Variants in CCDC148 observed in about 807,000 individuals in gnomAD.
CCDC148 encodes the protein coiled-coil domain-containing protein 148.
CCDC148 carries 89 observed loss-of-function variants against 85.7 expected under a neutral mutation model. The observed-to-expected ratio is 1.04, with a 90% CI of 0.87 to 1.24. CCDC148 has a LOEUF of 1.24. Among genes scored for constraint, CCDC148 ranks in the 50% most tolerant of loss-of-function variants. The pLI, the probability that CCDC148 is intolerant of heterozygous loss-of-function variation, is 0.00. For synonymous variants in CCDC148, 230 were observed against 213.9 expected (o/e 1.08, Z -0.66); for missense variants, 692 against 671.7 (o/e 1.03, Z -0.33).
intron 13 of CCDC148, among the ~76,000 whole-genome samples, chr2:158,172,460 C>T (rs1483886076): frequency 6.6e-6 from 1 of 151,806 alleles, no homozygotes; most frequent in Non-Finnish European, 1.5e-5. Context: ...AGTGGTTTCC[C>T]ATGTAGGGTA....
chr2:158,258,935 G>A (rs553765266), intron 9 of CCDC148, among the ~76,000 whole-genome samples: 40 of 151,744 alleles, frequency 2.6e-4, no homozygotes, highest in African/African-American at 6.8e-4. Flanking sequence ...TAGACTACAC[G>A]GCTCCCAGTA....
Position 158,172,226 on chromosome 2 carries a change from C to A in CCDC148, c.1663G>T (p.Ala555Ser). Residue 555 changes from alanine (A) to serine (S), a missense_variant, in exon 14 of 14, where the codon GCA becomes TCA. Coordinates refer to ENST00000283233, the MANE Select transcript of CCDC148 (RefSeq NM_138803.4). The stretch of plus-strand genomic sequence containing the variant: ...CTATGAAGTCCAGCTTCTCGAAGTG[C>A]TAACTCGAAGCGAAGTCTAGGGTCA... Reference protein sequence around the residue: ...ISDPRLRFELALREAGLHRTL... With the variant: ...ISDPRLRFELSLREAGLHRTL... The A allele has an allele frequency of 6.2e-7, 1 of 1,607,556 alleles. No homozygotes were observed. The highest frequency in any genetic ancestry group is 8.5e-7 in the Non-Finnish European group (1 of 1,176,934).
rs140000238 is a variant in CCDC148, at chr2:158,225,033, A to G, written c.1252-4320T>C. On this transcript the variant is annotated intron_variant, in intron 10 of 13. Transcript: ENST00000283233. Reference sequence around the variant, plus strand: ...CAAATTGGATAAAGAGTGAAGACCCATCAGTGTGCTGTATTCACGAAACCC... The same window carrying G: ...CAAATTGGATAAAGAGTGAAGACCCGTCAGTGTGCTGTATTCACGAAACCC... 9.5e-3 allele frequency among the ~76,000 whole-genome samples: 1,441 copies of G among 152,354 alleles called. 24 individuals are homozygous for G. Among genetic ancestry groups the G allele is most frequent in the African/African-American group, 0.033 (1,383 of 41,586 alleles).
chr2:158,195,532 T>C (rs938963018), intron 11 of CCDC148, among the ~76,000 whole-genome samples: 3 of 152,176 alleles, frequency 2.0e-5, no homozygotes, highest in African/African-American at 7.2e-5. Context: ...CTCTGTGGAA[T>C]TATTAAGGCT....
intron 1 of CCDC148, among the ~76,000 whole-genome samples, chr2:158,363,558 A>G (rs1014956765): frequency 3.3e-5 from 5 of 152,248 alleles, no homozygotes; most frequent in Admixed American, 1.3e-4. Context: ...AACCAAGGAC[A>G]TAAACCATAT....
chr2:158,263,821 C>T (rs1689340552), intron 9 of CCDC148, among the ~76,000 whole-genome samples: 1 of 151,814 alleles, frequency 6.6e-6, no homozygotes, highest in Non-Finnish European at 1.5e-5. Context: ...TATCAAAAAT[C>T]CTTTCCTGTA....
In CCDC148 at chr2:158,270,804, A is replaced by C. The variant is rs58752562; in HGVS notation, c.1111-19892T>G. 4.4e-3 allele frequency among the ~76,000 whole-genome samples: 675 copies of C among 152,228 alleles called. 4 individuals are homozygous for C. Among genetic ancestry groups the C allele is most frequent in the African/African-American group, 0.015 (626 of 41,536 alleles). Reference sequence around the variant, plus strand: ...TCCACAGGCACTGTTACCAGGGGGGAGTACTTTTCCAATTATAGAAAGCAC... The same window carrying C: ...TCCACAGGCACTGTTACCAGGGGGGCGTACTTTTCCAATTATAGAAAGCAC... On this transcript the variant is annotated intron_variant, in intron 9 of 13. Transcript: ENST00000283233.
In CCDC148 at chr2:158,233,885, A is replaced by T. The variant is rs1479433314; in HGVS notation, c.1252-13172T>A. On this transcript the variant is annotated intron_variant, in intron 10 of 13. Transcript: ENST00000283233. The stretch of plus-strand genomic sequence containing the variant: ...GACTGGCTTAAGTTTCTGAATAAAA[A>T]ATTGGCTTCAGGTTGGGTGCAGTGG... Among the ~76,000 whole-genome samples, 4 of 152,196 alleles carry T rather than the reference A, an allele frequency of 2.6e-5. No individual in the cohort carries two copies. In the East Asian group the frequency reaches 7.7e-4, roughly 29 times the overall value.
intron 10 of CCDC148, among the ~76,000 whole-genome samples, chr2:158,249,256 T>C (rs1318453484): frequency 6.6e-6 from 1 of 152,202 alleles, no homozygotes; most frequent in Non-Finnish European, 1.5e-5. Flanking sequence ...AATATAATAC[T>C]TTTTGTGGTC....
At chr2:158,388,657 G>C (rs1456950325) in intron 1 of CCDC148, among the ~76,000 whole-genome samples, 1 of 151,998 alleles carries the variant, frequency 6.6e-6, no homozygotes, top group South Asian at 2.1e-4. Context: ...ACAATGCTCG[G>C]ATAATTTTTG....
At chr2:158,341,714 A>T (rs1682704510) in intron 3 of CCDC148, among the ~76,000 whole-genome samples, 1 of 152,120 alleles carries the variant, frequency 6.6e-6, no homozygotes, top group African/African-American at 2.4e-5. Context: ...CTTATGGCAG[A>T]TTCGATTAAA....
intron 9 of CCDC148, among the ~76,000 whole-genome samples, chr2:158,252,743 T>C (rs1688845653): frequency 6.6e-6 from 1 of 151,758 alleles, no homozygotes; most frequent in Admixed American, 6.6e-5. Flanking sequence ...CCTCTCTATC[T>C]ATGTTCATTA....
chr2:158,366,963 G>C (rs780543076), intron 1 of CCDC148, among the ~76,000 whole-genome samples: 1 of 152,164 alleles, frequency 6.6e-6, no homozygotes. Context: ...TAAGGTCCAT[G>C]ACTTTTGGAA....
chr2:158,218,298 G>T (rs1686997008), intron 11 of CCDC148, among the ~76,000 whole-genome samples: 1 of 152,180 alleles, frequency 6.6e-6, no homozygotes, highest in African/African-American at 2.4e-5. Context: ...GCCTGTAGAG[G>T]TGAAATGACA....
chr2:158,409,053 G>A (rs1686145182), intron 1 of CCDC148, among the ~76,000 whole-genome samples: 1 of 151,864 alleles, frequency 6.6e-6, no homozygotes, highest in Non-Finnish European at 1.5e-5. Context: ...TGAGTTGTTT[G>A]AATTTTATAT....
rs563773024 is a variant in CCDC148 at position 158,323,507 on chromosome 2, T to C, written c.765-9613A>G. Among the ~76,000 whole-genome samples the C allele has an allele frequency of 1.1e-3, 173 of 152,350 alleles. 2 individuals carry two copies. Among genetic ancestry groups the C allele is most frequent in the Non-Finnish European group, 2.2e-3 (151 of 68,028 alleles). On this transcript the variant is annotated intron_variant, in intron 7 of 13. Transcript: ENST00000283233. ...ACATGTATAGCTTTTATCATATTTC[T>C]ATGAAATGGCAACCTGTTTTACCAG...
intron 9 of CCDC148, among the ~76,000 whole-genome samples, chr2:158,300,919 A>G (rs1055714294): frequency 2.6e-5 from 4 of 152,202 alleles, no homozygotes; most frequent in Non-Finnish European, 5.9e-5. Context: ...CAGTGATGCA[A>G]TCATAGCTCA....
chr2:158,244,889 GA>G (rs1186132953), intron 10 of CCDC148, among the ~76,000 whole-genome samples: 2 of 152,038 alleles, frequency 1.3e-5, no homozygotes, highest in Admixed American at 6.6e-5. Context: ...CAACAATCCT[GA>G]AAAAGCAGAG....
chr2:158,266,617 C>T (rs1190782891), intron 9 of CCDC148, among the ~76,000 whole-genome samples: 1 of 152,074 alleles, frequency 6.6e-6, no homozygotes, highest in Non-Finnish European at 1.5e-5. Flanking sequence ...TTATCCCTCA[C>T]TTTCTTCCCA....
Sources: gnomAD v4.1 joint callset for allele counts (sites outside exome capture counted in the v4.1 genomes callset) on GRCh38, gnomAD v4.1.1 for gene constraint, MANE v1.5 for transcripts, NCBI Gene and HGNC (gene_info 2026-07-23, HGNC 2026-07-21) for gene names.